The following SORCS1 variants were observed in gnomAD, a reference collection of about 807,000 sequenced individuals.
The protein encoded by SORCS1 is VPS10 domain-containing receptor SorCS1.
A neutral mutation model predicts 146.1 loss-of-function variants in SORCS1; 60 were observed. The observed-to-expected ratio is 0.41, with a 90% CI of 0.33 to 0.51. The LOEUF (loss-of-function observed/expected upper bound fraction) is 0.51, where lower values mean the gene tolerates loss of function less well. Ranked by LOEUF, SORCS1 falls within the 20% of genes least tolerant of loss-of-function variation. The pLI is 0.21. For missense variants in SORCS1, 1,352 were observed against 1,487.6 expected, an observed-to-expected ratio of 0.91 and a Z score of 1.50; for synonymous variants, 637 against 584.0, an observed-to-expected ratio of 1.09 and a Z score of -1.31.
At chr10:106,783,759 T>C (rs1020480054) in intron 3 of SORCS1, among the ~76,000 whole-genome samples, 2 of 152,232 alleles carry the variant, frequency 1.3e-5, no homozygotes, top group Non-Finnish European at 2.9e-5. Flanking sequence ...TCCTTTACCT[T>C]GTCCTTCCAG....
intron 2 of SORCS1, among the ~76,000 whole-genome samples, chr10:106,867,840 T>G (rs1950276048): frequency 6.6e-6 from 1 of 151,914 alleles, no homozygotes; most frequent in South Asian, 2.1e-4. Flanking sequence ...AATGACAGGA[T>G]CAAATCCACA....
chr10:106,975,804 A>G (rs989085430), intron 1 of SORCS1, among the ~76,000 whole-genome samples: 3 of 152,132 alleles, frequency 2.0e-5, no homozygotes, highest in African/African-American at 4.8e-5. Flanking sequence ...TTGAACCACA[A>G]TGAATGTTCA....
At chr10:106,799,622 A>G (rs1208418559) in intron 3 of SORCS1, among the ~76,000 whole-genome samples, 1 of 152,252 alleles carries the variant, frequency 6.6e-6, no homozygotes, top group Middle Eastern at 3.2e-3. Context: ...CAACAGACAC[A>G]TGAAAAAATG....
intron 18 of SORCS1, among the ~76,000 whole-genome samples, chr10:106,630,860 A>AAT (rs950299414): frequency 5.9e-5 from 9 of 152,130 alleles, no homozygotes; most frequent in African/African-American, 2.2e-4. Context: ...AAAAAAAAAA[A>AAT]GAAATGGCCT....
Position 107,164,144 on chromosome 10 carries a change from G to A in SORCS1, c.383C>T (p.Pro128Leu). ...CCCTCCATCTCTTAGCACTCCCCGG[G>A]GGCTCCGACTCGCGCCCTCTCCCCG... is the stretch of plus-strand genomic sequence containing the variant. ...AERGEGASRSPRGVLRDGGQQ... is the reference protein window; with the variant it reads ...AERGEGASRSLRGVLRDGGQQ... Residue 128 changes from proline (P) to leucine (L), a missense_variant, in exon 1 of 26, where the codon CCC becomes CTC. Physicochemically the swap from Pro to Leu is moderately conservative, Grantham distance 98. Around this residue, in one of 3 missense-constraint regions of SORCS1, gnomAD observed 490 missense variants for 489.1 expected, o/e 1.00. Transcript: ENST00000263054. This position sits in a 1 kb window ranked among gnomAD's most constrained non-coding sequence, Gnocchi z 6.8. 6.2e-7 allele frequency: 1 copy of A among 1,613,190 alleles called. No homozygotes were observed. Among genetic ancestry groups the A allele is most frequent in the Non-Finnish European group, 8.5e-7 (1 of 1,179,984 alleles).
intron 10 of SORCS1, among the ~76,000 whole-genome samples, chr10:106,683,053 G>C (rs1204408980): frequency 2.0e-5 from 3 of 152,162 alleles, no homozygotes; most frequent in Non-Finnish European, 2.9e-5. Context: ...TTGGGGATCT[G>C]ATGCAAATGA....
At chr10:106,965,671 C>T (rs1320976284) in intron 1 of SORCS1, among the ~76,000 whole-genome samples, 6 of 152,138 alleles carry the variant, frequency 3.9e-5, no homozygotes, top group Non-Finnish European at 5.9e-5. Context: ...AAGTCTAAGT[C>T]ACATCACATA....
At chr10:107,000,094 C>A (rs1485911257) in intron 1 of SORCS1, among the ~76,000 whole-genome samples, 3 of 152,190 alleles carry the variant, frequency 2.0e-5, no homozygotes, top group African/African-American at 7.2e-5. Context: ...AGTGACACCA[C>A]ATCACCCTCT....
chr10:106,864,719 A>G (rs1950163100), intron 2 of SORCS1, among the ~76,000 whole-genome samples: 1 of 151,788 alleles, frequency 6.6e-6, no homozygotes, highest in Non-Finnish European at 1.5e-5. Context: ...ACTGAGCTGG[A>G]GCTCCTAGGG....
At chr10:106,809,112 G>A (rs1947330855) in intron 3 of SORCS1, among the ~76,000 whole-genome samples, 2 of 152,034 alleles carry the variant, frequency 1.3e-5, no homozygotes, top group South Asian at 4.2e-4. Context: ...CTTTTTTCTA[G>A]ACAAGGCTTT....
At chr10:106,790,568 C>T (rs1410957327) in intron 3 of SORCS1, among the ~76,000 whole-genome samples, 1 of 152,026 alleles carries the variant, frequency 6.6e-6, no homozygotes, top group South Asian at 2.1e-4. Context: ...TTATTTGATA[C>T]TTTTTTTTGA....
intron 1 of SORCS1, among the ~76,000 whole-genome samples, chr10:106,976,977 G>A (rs1335225380): frequency 6.6e-6 from 1 of 152,074 alleles, no homozygotes; most frequent in Non-Finnish European, 1.5e-5. Context: ...CTTTGCTATT[G>A]CAAACAGTGC....
chr10:106,659,375 T>C (rs1379396368), intron 17 of SORCS1, among the ~76,000 whole-genome samples: 7 of 152,182 alleles, frequency 4.6e-5, no homozygotes, highest in Non-Finnish European at 1.0e-4. Context: ...CTGGGACATA[T>C]GGCCACACAC....
chr10:107,078,985 G>T (rs1963110633), intron 1 of SORCS1, among the ~76,000 whole-genome samples: 1 of 152,164 alleles, frequency 6.6e-6, no homozygotes, highest in African/African-American at 2.4e-5. Context: ...CAGCACTTTG[G>T]GAGGCCAATG....
intron 1 of SORCS1, among the ~76,000 whole-genome samples, chr10:107,121,885 T>G (rs1417796014): frequency 6.6e-6 from 1 of 152,206 alleles, no homozygotes; most frequent in Non-Finnish European, 1.5e-5. Context: ...ACCAATATTT[T>G]TATCTCCATT....
Position 106,679,265 on chromosome 10 carries a change from G to T in SORCS1, c.1731C>A (p.Thr577=). The change falls in exon 12 of 26, where the codon ACC becomes ACA. Residue 577 remains threonine (T), a synonymous_variant. Transcript: ENST00000263054. Reference sequence around the variant, plus strand: ...CAGGGTATTTTCTTACCTGTCTCCAGGTGTTCCCTGCATCTGAAGAGACAA... The same window carrying T: ...CAGGGTATTTTCTTACCTGTCTCCATGTGTTCCCTGCATCTGAAGAGACAA... ...SMFVSSDAGN[T]WRQIFEEEHS... is the part of the protein sequence containing the mutation. The T allele has an allele frequency of 3.7e-6, 6 of 1,612,714 alleles. No individual in the cohort carries two copies. Among genetic ancestry groups the T allele is most frequent in the Non-Finnish European group, 5.1e-6 (6 of 1,179,068 alleles).
chr10:106,970,038 C>T (rs1014054740), intron 1 of SORCS1: 1 of 152,518 alleles, frequency 6.6e-6, no homozygotes, highest in South Asian at 2.1e-4. Context: ...GCCATACCAC[C>T]CTGAACGCGT....
intron 9 of SORCS1, among the ~76,000 whole-genome samples, chr10:106,698,695 C>G (rs1226628209): frequency 1.3e-5 from 2 of 152,190 alleles, no homozygotes; most frequent in African/African-American, 4.8e-5. Flanking sequence ...GAGACAAGCA[C>G]CTGTTAATCT....
chr10:106,838,398 T>C (rs1407630942), intron 2 of SORCS1, among the ~76,000 whole-genome samples: 3 of 152,204 alleles, frequency 2.0e-5, no homozygotes, highest in Non-Finnish European at 4.4e-5. Flanking sequence ...CTTCAGAGTG[T>C]TACATTTGTT....
Sources: gnomAD v4.1 joint callset for allele counts (sites outside exome capture counted in the v4.1 genomes callset) on GRCh38, gnomAD v4.1.1 for gene constraint, gnomAD v4.1.1 regional missense constraint, Gnocchi (gnomAD v3.1) non-coding constraint, MANE v1.5 for transcripts, NCBI Gene and HGNC (gene_info 2026-07-23, HGNC 2026-07-21) for gene names.